The following DNER variants were observed in gnomAD, a reference collection of about 807,000 sequenced individuals.
The protein encoded by DNER is delta and Notch-like epidermal growth factor-related receptor.
Under a neutral mutation model 78.2 loss-of-function variants are expected in DNER, and 33 were observed. That is an observed-to-expected ratio of 0.42 (90% CI 0.32 to 0.56). The LOEUF (loss-of-function observed/expected upper bound fraction) is 0.56. Ranked by LOEUF, DNER falls within the 20% of genes least tolerant of loss-of-function variation. The pLI, the probability that DNER is intolerant of heterozygous loss-of-function variation, is 0.11. For synonymous variants in DNER, 417 were observed against 384.8 expected (o/e 1.08, Z -0.98); for missense variants, 918 against 975.3 (o/e 0.94, Z 0.78).
chr2:229,370,861 G>C (rs1692464967), intron 11 of DNER, among the ~76,000 whole-genome samples: 2 of 152,152 alleles, frequency 1.3e-5, no homozygotes, highest in African/African-American at 4.8e-5. Context: ...AAGCTTCATA[G>C]CATTAACCTA....
intron 6 of DNER, among the ~76,000 whole-genome samples, chr2:229,501,564 G>T (rs1005638258): frequency 4.6e-5 from 7 of 152,138 alleles, no homozygotes; most frequent in Non-Finnish European, 7.4e-5. Context: ...CCTCTCAAGA[G>T]AAATAAGCCT....
chr2:229,451,349 G>A (rs1203793988), intron 7 of DNER, among the ~76,000 whole-genome samples: 1 of 152,052 alleles, frequency 6.6e-6, no homozygotes. Flanking sequence ...CCCAGCTACT[G>A]GGGAGGCTGA....
chr2:229,410,762 G>C (rs1378573318), intron 9 of DNER, among the ~76,000 whole-genome samples: 1 of 152,148 alleles, frequency 6.6e-6, no homozygotes, highest in African/African-American at 2.4e-5. Context: ...AATTCAAAAA[G>C]CAGTACACCA....
intron 1 of DNER, among the ~76,000 whole-genome samples, chr2:229,645,036 A>C (rs2154216118): frequency 6.6e-6 from 1 of 152,048 alleles, no homozygotes; most frequent in African/African-American, 2.4e-5. Flanking sequence ...AATTTAAGAG[A>C]CAGGATCTCA....
At chr2:229,564,721 C>T (rs994542214) in intron 4 of DNER, among the ~76,000 whole-genome samples, 2 of 151,938 alleles carry the variant, frequency 1.3e-5, no homozygotes, top group African/African-American at 4.8e-5. Context: ...CATCATCACC[C>T]CATCACCATC....
chr2:229,444,544 A>G (rs182157248), intron 8 of DNER, among the ~76,000 whole-genome samples: 1 of 152,298 alleles, frequency 6.6e-6, no homozygotes, highest in African/African-American at 2.4e-5. Flanking sequence ...AAAAAACACT[A>G]TTTATCTCTA....
intron 5 of DNER, among the ~76,000 whole-genome samples, chr2:229,520,960 A>G (rs188601204): frequency 1.6e-4 from 24 of 152,348 alleles, no homozygotes; most frequent in Non-Finnish European, 2.9e-4. Flanking sequence ...AGCCATTCCT[A>G]TGCCAAGGGA....
intron 5 of DNER, among the ~76,000 whole-genome samples, chr2:229,519,347 TA>T (rs1370218217): frequency 1.3e-5 from 2 of 152,212 alleles, no homozygotes; most frequent in Non-Finnish European, 2.9e-5. Flanking sequence ...TCAGAACTTA[TA>T]ATTCTATTTT....
At chr2:229,619,848 C>G (rs769434927) in intron 1 of DNER, among the ~76,000 whole-genome samples, 10 of 152,144 alleles carry the variant, frequency 6.6e-5, no homozygotes, top group African/African-American at 2.2e-4. Flanking sequence ...TATAAACTTA[C>G]TACAGTGATT....
rs542061946 is a variant in DNER, at chr2:229,658,349, C to T, written c.276+55799G>A. 2.8e-4 allele frequency among the ~76,000 whole-genome samples: 43 copies of T among 152,296 alleles called. No individual in the cohort carries two copies. In the South Asian group the frequency reaches 7.0e-3, roughly 25 times the overall value. ...TGCTGGTCCTATTTACCGTGGTTGA[C>T]GATGCAAGTTGCCCAAGTGTTAATG... On this transcript the variant is annotated intron_variant, in intron 1 of 12. Coordinates refer to ENST00000341772, the MANE Select transcript of DNER (RefSeq NM_139072.4).
intron 1 of DNER, among the ~76,000 whole-genome samples, chr2:229,660,378 A>T: frequency 6.6e-6 from 1 of 151,630 alleles, no homozygotes; most frequent in Non-Finnish European, 1.5e-5. Context: ...GTGGTATTTG[A>T]TTTTCTGTTC....
At chr2:229,548,201 C>T (rs371166649) in intron 4 of DNER, among the ~76,000 whole-genome samples, 55 of 152,122 alleles carry the variant, frequency 3.6e-4, no homozygotes, top group African/African-American at 1.3e-3. Flanking sequence ...GAAATGAGTT[C>T]CATTATCAGG....
At chr2:229,373,945 G>C (rs976368900) in intron 11 of DNER, among the ~76,000 whole-genome samples, 14 of 152,118 alleles carry the variant, frequency 9.2e-5, no homozygotes, top group African/African-American at 3.4e-4. Flanking sequence ...TGGGTGGATA[G>C]CTTTGATCTT....
At chr2:229,400,234 TCATGTTTAG>T (rs376543797) in intron 10 of DNER, among the ~76,000 whole-genome samples, 2 of 152,050 alleles carry the variant, frequency 1.3e-5, no homozygotes, top group African/African-American at 2.4e-5. Context: ...CACTGTGAAT[TCATGTTTAG>T]CTTAATATAG....
intron 12 of DNER, among the ~76,000 whole-genome samples, chr2:229,363,326 C>T (rs755211842): frequency 4.6e-5 from 7 of 152,230 alleles, no homozygotes; most frequent in Admixed American, 2.6e-4. Flanking sequence ...TCCAATGTCA[C>T]CTCCAGGATA....
At chr2:229,550,799 A>G (rs1400265079) in intron 4 of DNER, among the ~76,000 whole-genome samples, 2 of 152,134 alleles carry the variant, frequency 1.3e-5, no homozygotes, top group Non-Finnish European at 2.9e-5. Flanking sequence ...AAATAAATAA[A>G]TAAGTATATT....
intron 6 of DNER, among the ~76,000 whole-genome samples, chr2:229,494,516 T>C (rs1465556359): frequency 6.6e-6 from 1 of 152,198 alleles, no homozygotes; most frequent in Non-Finnish European, 1.5e-5. Context: ...AGAGCAATCC[T>C]CTTTGGTATG....
intron 1 of DNER, among the ~76,000 whole-genome samples, chr2:229,632,119 C>T (rs1166192332): frequency 1.3e-5 from 2 of 152,110 alleles, no homozygotes; most frequent in Non-Finnish European, 2.9e-5. Context: ...AAAGGCAGTG[C>T]CATTGAACAG....
rs117843312 is a variant in DNER, at chr2:229,565,902, C to A, written c.848-18810G>T. On this transcript the variant is annotated intron_variant, in intron 4 of 12. Transcript: ENST00000341772. ...TTTTCATAATCAGTTCAAATTGTAT[C>A]ACTTTATCTCCCACTAGTACAGTTT... is the stretch of plus-strand genomic sequence containing the variant. Among the ~76,000 whole-genome samples the A allele has an allele frequency of 5.3e-5, 8 of 152,192 alleles. No homozygotes were observed. In the East Asian group the frequency reaches 1.5e-3, roughly 29 times the overall value.
Sources: gnomAD v4.1 joint callset for allele counts (sites outside exome capture counted in the v4.1 genomes callset) on GRCh38, gnomAD v4.1.1 for gene constraint, MANE v1.5 for transcripts, NCBI Gene and HGNC (gene_info 2026-07-23, HGNC 2026-07-21) for gene names.